AHCTF1: variants seen among roughly 807,000 people sequenced by gnomAD.
The protein encoded by AHCTF1 is AT-hook containing transcription factor 1.
A neutral mutation model predicts 248.4 loss-of-function variants in AHCTF1; 24 were observed. The ratio of observed to expected loss-of-function variants is 0.10; its 90% CI spans 0.07 to 0.14. AHCTF1 has a LOEUF of 0.14. AHCTF1 is among the 10% of genes least tolerant of loss of function. AHCTF1 has a pLI of 1.00. For synonymous variants in AHCTF1, 786 were observed against 929.8 expected, an observed-to-expected ratio of 0.85 and a Z score of 2.81; for missense variants, 2,206 against 2,636.2, an observed-to-expected ratio of 0.84 and a Z score of 3.57.
chr1:246,883,379 G>GT (rs1433937276), intron 21 of AHCTF1, among the ~76,000 whole-genome samples: 1 of 152,162 alleles, frequency 6.6e-6, no homozygotes, highest in Admixed American at 6.5e-5. Context: ...AGGTGATTAT[G>GT]TATGACCGCA....
chr1:246,875,752 T>C (rs575411359), intron 24 of AHCTF1, among the ~76,000 whole-genome samples: 2 of 152,328 alleles, frequency 1.3e-5, no homozygotes, highest in African/African-American at 2.4e-5. Context: ...TTTAGCAATA[T>C]TGCATTTCAA....
At chr1:246,919,896 T>A (rs1247611527) in intron 1 of AHCTF1, among the ~76,000 whole-genome samples, 1 of 151,616 alleles carries the variant, frequency 6.6e-6, no homozygotes, top group African/African-American at 2.4e-5. Context: ...GTAACACCAC[T>A]TTGGGAGGCC....
intron 1 of AHCTF1, among the ~76,000 whole-genome samples, chr1:246,930,872 T>A (rs889240109): frequency 6.6e-6 from 1 of 152,166 alleles, no homozygotes; most frequent in African/African-American, 2.4e-5. Context: ...GCTCATCTCA[T>A]AAAACTTTGC....
At chr1:246,905,930 G>A (rs7529090) in intron 5 of AHCTF1, among the ~76,000 whole-genome samples, 41,509 of 152,038 alleles carry the variant, frequency 0.27, 5,794 homozygotes, top group East Asian at 0.36. Flanking sequence ...CTGGTCCTAA[G>A]AGTCATATTC....
In AHCTF1 at chr1:246,839,542, G is replaced by C; in HGVS notation, c.*1264C>G. 1.0e-6 allele frequency: 1 copy of C among 985,780 alleles called. No homozygotes were observed. Among genetic ancestry groups the C allele is most frequent in the Non-Finnish European group, 1.2e-6 (1 of 829,920 alleles). 61.1% of individuals were successfully genotyped at this position (985,780 alleles called of 1,614,324 possible). ...CATCCATCACTAACCTGACTAAAAG[G>C]CCGCACTCGCACTGCTTTCACACTG... On this transcript the variant is annotated 3_prime_UTR_variant, in exon 36 of 36. Coordinates refer to ENST00000648844, the MANE Select transcript of AHCTF1 (RefSeq NM_001323342.2).
intron 28 of AHCTF1, 57 bp from the exon 29 acceptor site, chr1:246,861,352 T>TC: frequency 1.4e-6 from 2 of 1,433,550 alleles, no homozygotes; most frequent in Non-Finnish European, 1.9e-6. Flanking sequence ...TTAAGTCTAG[T>TC]CCTAAGCTAC....
intron 32 of AHCTF1, among the ~76,000 whole-genome samples, chr1:246,852,752 T>A (rs74152745): frequency 0.036 from 5,508 of 152,180 alleles, 335 homozygotes; most frequent in African/African-American, 0.13. Context: ...AAAACCAGTT[T>A]ATTTATTTAT....
Position 246,885,684 on chromosome 1 carries a change from G to C in AHCTF1, c.2473-4C>G. ...GAAACAAAAGATCCAAACCACTCTG[G>C]AAATAACATGAAAAATGTTAAATAT... On this transcript the variant is annotated splice_region_variant and splice_polypyrimidine_tract_variant and intron_variant, in intron 20 of 35. Coordinates refer to ENST00000648844, the MANE Select transcript of AHCTF1 (RefSeq NM_001323342.2). 1 of 1,602,302 alleles carries C rather than the reference G, an allele frequency of 6.2e-7. No individual in the cohort carries two copies. The highest frequency in any genetic ancestry group is 8.5e-7 in the Non-Finnish European group (1 of 1,173,296).
intron 32 of AHCTF1, among the ~76,000 whole-genome samples, chr1:246,852,286 T>G (rs1210557442): frequency 6.6e-6 from 1 of 152,212 alleles, no homozygotes; most frequent in African/African-American, 2.4e-5. Flanking sequence ...GTGGGAATAC[T>G]CATTAAGATG....
At chr1:246,882,243 C>T (rs186590574) in intron 21 of AHCTF1, among the ~76,000 whole-genome samples, 4 of 141,510 alleles carry the variant, frequency 2.8e-5, no homozygotes, top group Non-Finnish European at 4.7e-5. Context: ...GTGATCCACC[C>T]GCCTCAGCCT....
chr1:246,859,947 A>C (rs530922496), intron 29 of AHCTF1, among the ~76,000 whole-genome samples: 1 of 152,292 alleles, frequency 6.6e-6, no homozygotes, highest in East Asian at 1.9e-4. Flanking sequence ...AGAAACTTAA[A>C]ACTGGTGGAT....
chr1:246,920,638 C>T (rs901267783), intron 1 of AHCTF1, among the ~76,000 whole-genome samples: 4 of 151,818 alleles, frequency 2.6e-5, no homozygotes, highest in African/African-American at 4.8e-5. Context: ...AGCGTGGTGG[C>T]GGGCGCCTGT....
Position 246,857,832 on chromosome 1 carries a change from A to C in AHCTF1, c.4133-18T>G. ...TAAATTGCCTATAAGTCATACAAAT[A>C]AGAATATTATTTATGCTAAATATTT... On this transcript the variant is annotated intron_variant, in intron 29 of 35. Transcript: ENST00000648844. The C allele has an allele frequency of 6.3e-7, 1 of 1,588,704 alleles. No individual in the cohort carries two copies. Among genetic ancestry groups the C allele is most frequent in the Non-Finnish European group, 8.6e-7 (1 of 1,162,408 alleles).
chr1:246,907,913 C>T (rs1336587173), intron 4 of AHCTF1, among the ~76,000 whole-genome samples, 155 bp from the exon 5 acceptor site: 1 of 152,106 alleles, frequency 6.6e-6, no homozygotes, highest in East Asian at 1.9e-4. Context: ...GTATGTTAAA[C>T]TAGAAAATTG....
chr1:246,858,875 C>T (rs1385062111), intron 29 of AHCTF1, among the ~76,000 whole-genome samples: 2 of 151,862 alleles, frequency 1.3e-5, no homozygotes, highest in African/African-American at 4.8e-5. Context: ...GAAGATAATG[C>T]TATGAACATT....
chr1:246,930,732 T>C (rs1667288650), intron 1 of AHCTF1, among the ~76,000 whole-genome samples: 1 of 152,144 alleles, frequency 6.6e-6, no homozygotes, highest in African/African-American at 2.4e-5. Flanking sequence ...TCTTAAAATC[T>C]ACAGGTTCTT....
intron 33 of AHCTF1, among the ~76,000 whole-genome samples, chr1:246,848,339 G>A (rs931296960): frequency 6.6e-6 from 1 of 151,602 alleles, no homozygotes; most frequent in African/African-American, 2.4e-5. Flanking sequence ...TCAGTCTCCC[G>A]AGTAGCTGGG....
chr1:246,879,169 G>A (rs1270630369), intron 21 of AHCTF1, among the ~76,000 whole-genome samples: 2 of 151,914 alleles, frequency 1.3e-5, no homozygotes, highest in African/African-American at 4.8e-5. Context: ...ATTTTAATAG[G>A]CAGGTCACAA....
intron 21 of AHCTF1, among the ~76,000 whole-genome samples, chr1:246,883,133 G>C (rs1663571938): frequency 6.6e-6 from 1 of 152,242 alleles, no homozygotes; most frequent in South Asian, 2.1e-4. Context: ...GAGTGAGGCT[G>C]TACAGCCAGA....
Sources: gnomAD v4.1 joint callset for allele counts (sites outside exome capture counted in the v4.1 genomes callset) on GRCh38, gnomAD v4.1.1 for gene constraint, MANE v1.5 for transcripts, NCBI Gene and HGNC (gene_info 2026-07-23, HGNC 2026-07-21) for gene names.